ATG7: variants seen among roughly 807,000 people sequenced by gnomAD.
ATG7 encodes the protein ubiquitin-like modifier-activating enzyme ATG7.
Under a neutral mutation model 82.4 loss-of-function variants are expected in ATG7, and 70 were observed. That is an observed-to-expected ratio of 0.85 (90% confidence interval 0.70 to 1.04). The LOEUF is 1.04. Among genes scored for constraint, ATG7 ranks in the 50% least tolerant of loss-of-function variants. ATG7 has a pLI of 0.00. For synonymous variants in ATG7, 287 were observed against 313.0 expected, an observed-to-expected ratio of 0.92 and a Z score of 0.88; for missense variants, 792 against 864.3, an observed-to-expected ratio of 0.92 and a Z score of 1.05.
chr3:11,304,024 G>C (rs1285754636), intron 5 of ATG7, among the ~76,000 whole-genome samples: 2 of 152,208 alleles, frequency 1.3e-5, no homozygotes, highest in East Asian at 1.9e-4. Context: ...CTGGGAGGCG[G>C]AGCTTGCAGT....
intron 20 of ATG7, among the ~76,000 whole-genome samples, chr3:11,432,823 T>C (rs2083024842): frequency 6.6e-6 from 1 of 152,166 alleles, no homozygotes; most frequent in African/African-American, 2.4e-5. Flanking sequence ...TGACCTTTAC[T>C]TCCAAGGCCT....
downstream of ATG7, chr3:11,558,341 G>A (rs539097787): frequency 9.8e-5 from 70 of 714,026 alleles, 1 homozygote; most frequent in Middle Eastern, 1.2e-3. Context: ...GATGTTCCAC[G>A]CGTAGTTCCT....
intron 3 of ATG7, among the ~76,000 whole-genome samples, chr3:11,297,482 G>C (rs1946123869): frequency 6.6e-6 from 1 of 152,190 alleles, no homozygotes; most frequent in South Asian, 2.1e-4. Flanking sequence ...GGAGCTGCCA[G>C]ATTTCTTTAG....
intron 20 of ATG7, among the ~76,000 whole-genome samples, chr3:11,527,023 A>G (rs2092592268): frequency 6.8e-6 from 1 of 147,686 alleles, no homozygotes; most frequent in African/African-American, 2.5e-5. Context: ...TATAGTATAT[A>G]TATGTGTGTG....
intron 5 of ATG7, among the ~76,000 whole-genome samples, chr3:11,303,917 C>CAAAAA (rs55893689): frequency 1.3e-5 from 1 of 75,898 alleles, no homozygotes. Context: ...ACTAAAAATG[C>CAAAAA]AAAAAAAAAA....
intron 5 of ATG7, among the ~76,000 whole-genome samples, chr3:11,305,772 A>C (rs1947620217): frequency 6.6e-6 from 1 of 152,236 alleles, no homozygotes; most frequent in South Asian, 2.1e-4. Flanking sequence ...GACAGACGGC[A>C]TTTGACAGAG....
At chr3:11,443,595 C>T (rs1164103508) in intron 20 of ATG7, among the ~76,000 whole-genome samples, 2 of 152,126 alleles carry the variant, frequency 1.3e-5, no homozygotes, top group African/African-American at 4.8e-5. Context: ...CCATGTTGCC[C>T]AGGCTGGTCT....
At chr3:11,285,611 G>T (rs1484510981) in intron 3 of ATG7, among the ~76,000 whole-genome samples, 1 of 152,092 alleles carries the variant, frequency 6.6e-6, no homozygotes, top group Non-Finnish European at 1.5e-5. Flanking sequence ...CTCCCCAGGA[G>T]CCTTCCTCGT....
At chr3:11,452,988 T>C (rs2085343858) in intron 20 of ATG7, among the ~76,000 whole-genome samples, 1 of 152,134 alleles carries the variant, frequency 6.6e-6, no homozygotes, top group South Asian at 2.1e-4. Context: ...TTGGGCCCAA[T>C]TACTGCTGAC....
At chr3:11,347,205 C>G (rs1239138835) in intron 13 of ATG7, among the ~76,000 whole-genome samples, 1 of 152,198 alleles carries the variant, frequency 6.6e-6, no homozygotes, top group African/African-American at 2.4e-5. Flanking sequence ...GTTTCCATAT[C>G]TGTAAAACAA....
intron 17 of ATG7, among the ~76,000 whole-genome samples, 164 bp from the exon 18 acceptor site, chr3:11,364,495 T>A (rs181320639): frequency 5.9e-5 from 9 of 152,352 alleles, no homozygotes; most frequent in Admixed American, 5.2e-4. Flanking sequence ...TAAATTACTC[T>A]TCTTGCCCTT....
At chr3:11,527,983 G>C (rs2092619037) in intron 20 of ATG7, among the ~76,000 whole-genome samples, 1 of 152,204 alleles carries the variant, frequency 6.6e-6, no homozygotes, top group African/African-American at 2.4e-5. Context: ...AGTCCTGCCT[G>C]TCATCTTGAA....
chr3:11,554,988 A>G lies in ATG7; in HGVS notation c.*145A>G. On this transcript the variant is annotated 3_prime_UTR_variant, in exon 21 of 21. Transcript: ENST00000693202. ...TCTGGGATTCCCCCCTCTGCTGCCC[A>G]GGAGTGGCCAGTGTTCGGCGTTGCT... 9.9e-7 allele frequency: 1 copy of G among 1,014,564 alleles called. No homozygotes were observed. Among genetic ancestry groups the G allele is most frequent in the Non-Finnish European group, 1.4e-6 (1 of 713,592 alleles). 62.8% of individuals were successfully genotyped at this position (1,014,564 alleles called of 1,614,324 possible).
intron 20 of ATG7, among the ~76,000 whole-genome samples, chr3:11,432,397 TTAAG>T (rs2082977955): frequency 6.6e-6 from 1 of 152,194 alleles, no homozygotes; most frequent in African/African-American, 2.4e-5. Flanking sequence ...ATTAAAAAAT[TTAAG>T]TACCACATAA....
intron 11 of ATG7, among the ~76,000 whole-genome samples, chr3:11,337,484 C>CTA (rs1263847206): frequency 3.3e-3 from 481 of 146,940 alleles, no homozygotes; most frequent in South Asian, 0.014. Context: ...CTCTCTCTCT[C>CTA]TCTCTATATA....
chr3:11,559,530 A>C, downstream of ATG7: 2 of 1,458,044 alleles, frequency 1.4e-6, no homozygotes, highest in East Asian at 2.6e-5. Flanking sequence ...CCTCCCCAGC[A>C]CCCTTCAGGC....
At chr3:11,463,806 C>A (rs970981349) in intron 20 of ATG7, among the ~76,000 whole-genome samples, 5 of 152,190 alleles carry the variant, frequency 3.3e-5, no homozygotes, top group Middle Eastern at 3.2e-3. Context: ...CCCTGGACTT[C>A]TCACACCCCA....
In ATG7 at chr3:11,384,874, T is replaced by C. The variant is rs531936154; in HGVS notation, c.1956+4822T>C. ...TACTTGGGGGGCTGAGGTGGGAAGA[T>C]CCTTGAGCCCAGAGGTTGAGATCAT... On this transcript the variant is annotated intron_variant, in intron 19 of 20. Transcript: ENST00000693202. Among the ~76,000 whole-genome samples, 23 of 152,180 alleles carry C rather than the reference T, an allele frequency of 1.5e-4. No individual in the cohort carries two copies. In the South Asian group the frequency reaches 3.5e-3, roughly 23 times the overall value.
At chr3:11,432,036 G>A (rs896120152) in intron 20 of ATG7, among the ~76,000 whole-genome samples, 1 of 152,168 alleles carries the variant, frequency 6.6e-6, no homozygotes, top group African/African-American at 2.4e-5. Flanking sequence ...CTGCTGTTGA[G>A]ATTAGCAGGC....
Sources: allele counts gnomAD v4.1 joint callset (sites outside exome capture counted in the v4.1 genomes callset), GRCh38; gene constraint gnomAD v4.1.1; transcripts MANE v1.5; gene names NCBI Gene and HGNC (gene_info 2026-07-23, HGNC 2026-07-21).